COL17A1: variants seen among roughly 807,000 people sequenced by gnomAD.
COL17A1 encodes the protein collagen type XVII alpha 1 chain.
COL17A1 carries 181 observed loss-of-function variants against 218.4 expected under a neutral mutation model. The observed-to-expected ratio is 0.83, with a 90% CI of 0.73 to 0.94. The LOEUF (loss-of-function observed/expected upper bound fraction) is 0.94, where lower values mean the gene tolerates loss of function less well. Among genes scored for constraint, COL17A1 ranks in the 40% least tolerant of loss-of-function variants. The probability of loss-of-function intolerance (pLI) is 0.00; values close to 1 mark genes in which losing one functional copy is unlikely to be tolerated. For synonymous variants in COL17A1, 721 were observed against 731.0 expected, an observed-to-expected ratio of 0.99 and a Z score of 0.22; for missense variants, 1,924 against 1,945.9, an observed-to-expected ratio of 0.99 and a Z score of 0.21.
intron 13 of COL17A1, among the ~76,000 whole-genome samples, chr10:104,060,511 C>G (rs948878512): frequency 2.0e-5 from 3 of 152,166 alleles, no homozygotes; most frequent in African/African-American, 7.2e-5. Context: ...GGGTCAATGT[C>G]AGAAGCTCTG....
chr10:104,047,348 T>C (rs1012542690), intron 31 of COL17A1, among the ~76,000 whole-genome samples: 5 of 152,140 alleles, frequency 3.3e-5, no homozygotes, highest in Non-Finnish European at 4.4e-5. Context: ...GGAGAAGGGC[T>C]CAGAGGAGCA....
intron 5 of COL17A1, 28 bp downstream of exon 5, chr10:104,076,273 T>A: frequency 6.2e-7 from 1 of 1,613,522 alleles, no homozygotes; most frequent in Non-Finnish European, 8.5e-7. Context: ...AGAGAATGGT[T>A]CTCTTGTATG....
chr10:104,057,006 G>T lies in COL17A1; in HGVS notation c.1434C>A (p.Leu478=). 6.3e-7 allele frequency: 1 copy of T among 1,589,410 alleles called. No homozygotes were observed. Reference sequence around the variant, plus strand: ...CAATGAGGCCGAAGAGCAGCCCCAGGAGTAGCAGCCAGGTGAGCAGCAGGC... The same window carrying T: ...CAATGAGGCCGAAGAGCAGCCCCAGTAGTAGCAGCCAGGTGAGCAGCAGGC... ...LLGLLLTWLL[L]LGLLFGLIAL... The change falls in exon 17 of 56, where the codon CTC becomes CTA. Residue 478 remains leucine, a synonymous_variant. Coordinates refer to ENST00000648076, the MANE Select transcript of COL17A1 (RefSeq NM_000494.4).
rs764318320 is a variant in COL17A1 at position 104,058,204 on chromosome 10, C to T, written c.1223-14G>A. 7 of 1,614,054 alleles carry T rather than the reference C, an allele frequency of 4.3e-6. No individual in the cohort carries two copies. Among genetic ancestry groups the T allele is most frequent in the Middle Eastern group, 1.6e-4 (1 of 6,078 alleles). On this transcript the variant is annotated splice_polypyrimidine_tract_variant and intron_variant, in intron 15 of 55. Transcript: ENST00000648076. ...TCTTCAGGTCTCCTGAAAGGACAAA[C>T]AGATTGACCTGAGCTTTTAAACTGG...
chr10:104,041,010 T>G (rs2086353820), intron 39 of COL17A1, 55 bp downstream of exon 39: 3 of 1,600,246 alleles, frequency 1.9e-6, no homozygotes, highest in Non-Finnish European at 2.6e-6. Context: ...CCACAGTCTG[T>G]GGCAGGACAA....
intron 8 of COL17A1, among the ~76,000 whole-genome samples, chr10:104,071,768 C>T (rs2086670733): frequency 6.6e-6 from 1 of 152,142 alleles, no homozygotes; most frequent in Admixed American, 6.5e-5. Flanking sequence ...CACTGAGTTG[C>T]GATGGTTGGT....
intron 1 of COL17A1, among the ~76,000 whole-genome samples, chr10:104,084,742 G>C (rs1243546457): frequency 6.6e-6 from 1 of 152,194 alleles, no homozygotes; most frequent in Non-Finnish European, 1.5e-5. Context: ...GAGTGAGTCT[G>C]TGTGGGGATA....
chr10:104,084,201 G>A (rs749314539), intron 1 of COL17A1, among the ~76,000 whole-genome samples: 1 of 152,168 alleles, frequency 6.6e-6, no homozygotes, highest in African/African-American at 2.4e-5. Flanking sequence ...GTTAATAATG[G>A]CAAATGAAAC....
chr10:104,071,931 TGCATGCATGCACACACACAC>T (rs2086672473), intron 8 of COL17A1, 81 bp downstream of exon 8: 1 of 1,548,560 alleles, frequency 6.5e-7, no homozygotes, highest in Admixed American at 1.7e-5. Context: ...TACATGTGTG[TGCATGCATGCACACACACAC>T]GCATGCACAC....
chr10:104,077,766 C>T lies in COL17A1; in HGVS notation c.98-240G>A, dbSNP rs2086724723. On this transcript the variant is annotated intron_variant, in intron 3 of 55. Coordinates refer to ENST00000648076, the MANE Select transcript of COL17A1 (RefSeq NM_000494.4). ...ACAAATATCTAGAGTGAGTATTCCA[C>T]CTGATTTAAAAGAAAAGTCTCCTGG... is the stretch of plus-strand genomic sequence containing the variant. 2.6e-5 allele frequency among the ~76,000 whole-genome samples: 4 copies of T among 152,058 alleles called. 1 individual carries two copies. In the South Asian group the frequency reaches 8.3e-4, roughly 32 times the overall value.
At chr10:104,035,972 G>C in intron 48 of COL17A1, among the ~76,000 whole-genome samples, 1 of 138,268 alleles carries the variant, frequency 7.2e-6, no homozygotes, top group Non-Finnish European at 1.5e-5. Context: ...GTATGGGAGT[G>C]TGTTTATGGG....
At chr10:104,067,334 TAAAAAAAA>T (rs58260510) in intron 9 of COL17A1, among the ~76,000 whole-genome samples, 2 of 110,430 alleles carry the variant, frequency 1.8e-5, no homozygotes, top group African/African-American at 3.7e-5. Flanking sequence ...GGCTCAGGAA[TAAAAAAAA>T]AAAAAAAAAA....
At position 104,047,664 on chromosome 10, in the gene COL17A1, C is replaced by T. The variant is rs908661863; in HGVS notation, c.2335+75G>A. 5 of 1,241,048 alleles carry T rather than the reference C, an allele frequency of 4.0e-6. No individual in the cohort carries two copies. The Admixed American group carries it at 8.7e-5, about 21-fold the overall frequency. The allele number at this position is 1,241,048 out of a possible 1,614,324, so 76.9% of individuals were successfully genotyped here. A position where few individuals can be genotyped will look rare whatever the true frequency, so the allele number is the denominator to read the frequency against. ...GCACACCTGCACATGCACACGCACA[C>T]ACATGCCTACATCCACACACACAAA... On this transcript the variant is annotated intron_variant, in intron 31 of 55. Transcript: ENST00000648076.
chr10:104,060,398 T>C, intron 13 of COL17A1, 118 bp from the exon 14 acceptor site: 2 of 1,405,708 alleles, frequency 1.4e-6, no homozygotes, highest in Non-Finnish European at 1.9e-6. Flanking sequence ...AATTAGCAGG[T>C]GTGTATGAGG....
intron 17 of COL17A1, among the ~76,000 whole-genome samples, chr10:104,056,607 A>G (rs2086530721): frequency 6.6e-6 from 1 of 152,130 alleles, no homozygotes. Context: ...AGAAAAAGAA[A>G]AGAAAGAAAA....
chr10:104,040,947 TG>T, intron 39 of COL17A1, 117 bp downstream of exon 39: 2 of 1,111,692 alleles, frequency 1.8e-6, no homozygotes, highest in Non-Finnish European at 2.8e-6. Flanking sequence ...CATATCCCCA[TG>T]GAAGTCAGGA....
rs1224990278 is a variant in COL17A1 at position 104,078,632 on chromosome 10, C to A, written c.53-46G>T. 2.5e-6 allele frequency: 4 copies of A among 1,612,782 alleles called. No individual in the cohort carries two copies. In the Admixed American group the frequency reaches 5.0e-5, roughly 20 times the overall value. On this transcript the variant is annotated intron_variant, in intron 2 of 55. Transcript: ENST00000648076. ...GATGAGTTCTTATGTAATGCACTGA[C>A]ACCTCTGGATCTTGGCAAGGTCTAA...
chr10:104,066,965 C>T (rs529130931), intron 9 of COL17A1, among the ~76,000 whole-genome samples: 5 of 152,266 alleles, frequency 3.3e-5, no homozygotes, highest in African/African-American at 4.8e-5. Flanking sequence ...AAAATCTCCT[C>T]GGTGTAGCAA....
intron 33 of COL17A1, among the ~76,000 whole-genome samples, chr10:104,044,218 G>A (rs2086387883): frequency 6.6e-6 from 1 of 152,160 alleles, no homozygotes; most frequent in African/African-American, 2.4e-5. Flanking sequence ...TTACTCAAAG[G>A]TCAAAGGACA....
Sources: gnomAD v4.1 joint callset for allele counts (sites outside exome capture counted in the v4.1 genomes callset) on GRCh38, gnomAD v4.1.1 for gene constraint, MANE v1.5 for transcripts, NCBI Gene and HGNC (gene_info 2026-07-23, HGNC 2026-07-21) for gene names.